Variants in KANSL1L observed in about 807,000 individuals in gnomAD.
KANSL1L encodes the protein KAT8 regulatory NSL complex subunit 1-like protein.
In KANSL1L, 25 loss-of-function variants were observed where a neutral mutation model predicts 108.6. That is an observed-to-expected ratio of 0.23 (90% confidence interval 0.17 to 0.32). The LOEUF (loss-of-function observed/expected upper bound fraction) is 0.32. KANSL1L is among the 10% of genes least tolerant of loss of function. The probability of loss-of-function intolerance (pLI) is 1.00; values close to 1 mark genes in which losing one functional copy is unlikely to be tolerated. For synonymous variants in KANSL1L, 405 were observed against 395.1 expected (o/e 1.03, Z -0.30); for missense variants, 1,137 against 1,125.7 (o/e 1.01, Z -0.14).
chr2:210,104,272 A>C lies in KANSL1L; in HGVS notation c.1260T>G (p.Leu420=). Residue 420 remains leucine (L), a synonymous_variant, in exon 4 of 15, where the codon CTT becomes CTG. Transcript: ENST00000281772. ...KGIVVLEECQ[L]PKDILKKQMQ... ...TTTGTTTTTTCAAAATATCTTTTGG[A>C]AGCTGACATTCTTCTAGGACCACTA... 6.2e-7 allele frequency: 1 copy of C among 1,613,760 alleles called. No homozygotes were observed. The highest frequency in any genetic ancestry group is 1.1e-5 in the South Asian group (1 of 91,060).
chr2:210,152,133 T>C (rs2095307942), intron 2 of KANSL1L: 2 of 152,166 alleles, frequency 1.3e-5, no homozygotes, highest in Non-Finnish European at 2.9e-5. Flanking sequence ...CCTCCCACCC[T>C]GCACCCTTTA....
At chr2:210,085,360 T>C (rs2094627493) in intron 5 of KANSL1L, among the ~76,000 whole-genome samples, 1 of 152,126 alleles carries the variant, frequency 6.6e-6, no homozygotes. Context: ...TAAGAGTAGA[T>C]GGGGGAAAAT....
chr2:210,147,743 G>A (rs766066713), intron 2 of KANSL1L, among the ~76,000 whole-genome samples: 18 of 152,238 alleles, frequency 1.2e-4, no homozygotes, highest in Middle Eastern at 3.4e-3. Flanking sequence ...CAAATATTAA[G>A]TTACTCTTGT....
chr2:210,119,458 C>T (rs1363759001), intron 3 of KANSL1L, among the ~76,000 whole-genome samples: 11 of 152,150 alleles, frequency 7.2e-5, no homozygotes, highest in African/African-American at 2.6e-4. Flanking sequence ...ATTAGCAAAC[C>T]AAATAACAAC....
intron 3 of KANSL1L, among the ~76,000 whole-genome samples, chr2:210,109,239 C>T (rs917148758): frequency 9.9e-5 from 15 of 151,958 alleles, no homozygotes; most frequent in Admixed American, 2.6e-4. Context: ...TATATTGAAA[C>T]GATTATAGGT....
At chr2:210,106,676 A>G (rs1414241941) in intron 3 of KANSL1L, among the ~76,000 whole-genome samples, 1 of 151,918 alleles carries the variant, frequency 6.6e-6, no homozygotes, top group Non-Finnish European at 1.5e-5. Context: ...GGCTGAGGCA[A>G]AAGAATTGCT....
Position 210,154,455 on chromosome 2 carries a change from T to C in KANSL1L, c.128A>G (p.Asp43Gly). The change falls in exon 2 of 15, where the codon GAC (aspartate) becomes GGC (glycine). Residue 43 changes from aspartate to glycine, a missense_variant. Coordinates refer to ENST00000281772, the MANE Select transcript of KANSL1L (RefSeq NM_152519.4). ...PRTVDEKLKG[D>G]TFSQMLGFPT... ...AAATCCAAGCATCTGAGAAAAGGTG[T>C]CTCCCTTTAGCTTTTCATCTACAGT... The C allele has an allele frequency of 6.2e-7, 1 of 1,613,384 alleles. No individual in the cohort carries two copies.
chr2:210,073,774 A>AAT (rs1553651450), intron 6 of KANSL1L, among the ~76,000 whole-genome samples: 3 of 141,932 alleles, frequency 2.1e-5, no homozygotes, highest in African/African-American at 7.5e-5. Flanking sequence ...GAAACACACA[A>AAT]ACACACACAC....
intron 2 of KANSL1L, chr2:210,151,805 A>G (rs1322475297): frequency 6.6e-6 from 1 of 152,202 alleles, no homozygotes; most frequent in Non-Finnish European, 1.5e-5. Context: ...ACATGCAAAC[A>G]AATTTCAATT....
chr2:210,096,761 C>T, intron 5 of KANSL1L: 2 of 954,836 alleles, frequency 2.1e-6, no homozygotes, highest in South Asian at 9.7e-5. Flanking sequence ...TGTTTTATCA[C>T]TGATATGAGG....
intron 6 of KANSL1L, among the ~76,000 whole-genome samples, chr2:210,063,220 C>A (rs1200671275): frequency 1.3e-5 from 2 of 152,216 alleles, no homozygotes; most frequent in Non-Finnish European, 2.9e-5. Flanking sequence ...GCATAGAAGT[C>A]AAGAGGTTTG....
chr2:210,049,338 T>C (rs1236157575), intron 6 of KANSL1L, among the ~76,000 whole-genome samples: 3 of 147,818 alleles, frequency 2.0e-5, no homozygotes, highest in Non-Finnish European at 4.5e-5. Flanking sequence ...TCTCTTATTC[T>C]GAGGATTTTT....
chr2:210,072,127 C>T (rs1468066556), intron 6 of KANSL1L, among the ~76,000 whole-genome samples: 1 of 152,146 alleles, frequency 6.6e-6, no homozygotes, highest in Non-Finnish European at 1.5e-5. Context: ...GAATTCTGCT[C>T]TAGATCATAT....
chr2:210,083,219 G>T (rs986895755), intron 5 of KANSL1L, among the ~76,000 whole-genome samples: 3 of 152,070 alleles, frequency 2.0e-5, no homozygotes, highest in African/African-American at 7.2e-5. Flanking sequence ...GTATGATCTT[G>T]ACACCTTAAT....
At chr2:210,037,859 T>C (rs1189898756) in intron 8 of KANSL1L, among the ~76,000 whole-genome samples, 1 of 152,166 alleles carries the variant, frequency 6.6e-6, no homozygotes, top group Non-Finnish European at 1.5e-5. Context: ...CTAGTCCATG[T>C]TCAAATTTCT....
intron 3 of KANSL1L, among the ~76,000 whole-genome samples, chr2:210,115,341 AC>A (rs2094944202): frequency 6.6e-6 from 1 of 152,198 alleles, no homozygotes; most frequent in South Asian, 2.1e-4. Flanking sequence ...ACAAGATATA[AC>A]AATTATAAAC....
intron 5 of KANSL1L, among the ~76,000 whole-genome samples, chr2:210,079,650 A>ATGTGTGTG (rs1296415684): frequency 2.0e-4 from 4 of 19,526 alleles, no homozygotes; most frequent in East Asian, 3.8e-3. Flanking sequence ...ATATATATAT[A>ATGTGTGTG]TATATATATA....
chr2:210,039,071 C>T (rs1417809455), intron 8 of KANSL1L, among the ~76,000 whole-genome samples: 1 of 151,820 alleles, frequency 6.6e-6, no homozygotes, highest in African/African-American at 2.4e-5. Flanking sequence ...TCAGAACCAC[C>T]ATGTTTTAGT....
chr2:210,171,547 G>T (rs895950145), upstream of KANSL1L: 1 of 152,774 alleles, frequency 6.5e-6, no homozygotes, highest in African/African-American at 2.4e-5. Context: ...GGAAGTGGCA[G>T]GAGCACGACT....
Sources: gnomAD v4.1 joint callset for allele counts (sites outside exome capture counted in the v4.1 genomes callset) on GRCh38, gnomAD v4.1.1 for gene constraint, MANE v1.5 for transcripts, NCBI Gene and HGNC (gene_info 2026-07-23, HGNC 2026-07-21) for gene names.